EXOC4: variants seen among roughly 807,000 people sequenced by gnomAD.
EXOC4 encodes the protein exocyst complex component 4.
A neutral mutation model predicts 107.2 loss-of-function variants in EXOC4; 71 were observed. The ratio of observed to expected loss-of-function variants is 0.66; its 90% confidence interval spans 0.55 to 0.81. The LOEUF is 0.81. Ranked by LOEUF, EXOC4 falls within the 30% of genes least tolerant of loss-of-function variation. The pLI is 0.00. For missense variants in EXOC4, 1,108 were observed against 1,189.6 expected (o/e 0.93, Z 1.01); for synonymous variants, 456 against 441.2 (o/e 1.03, Z -0.42).
intron 2 of EXOC4, among the ~76,000 whole-genome samples, chr7:133,280,065 C>T (rs1250155622): frequency 1.3e-5 from 2 of 152,244 alleles, no homozygotes; most frequent in Non-Finnish European, 2.9e-5. Flanking sequence ...TCAAGGGATC[C>T]TCCTGCCTCA....
intron 5 of EXOC4, among the ~76,000 whole-genome samples, chr7:133,321,601 A>C (rs1795114291): frequency 6.6e-6 from 1 of 152,152 alleles, no homozygotes; most frequent in South Asian, 2.1e-4. Flanking sequence ...TATATGTGCC[A>C]CATTTTCTTT....
chr7:133,679,439 G>A (rs1794136594), intron 10 of EXOC4, among the ~76,000 whole-genome samples: 1 of 152,078 alleles, frequency 6.6e-6, no homozygotes, highest in African/African-American at 2.4e-5. Context: ...AGGCCTCTGA[G>A]AGTTCTCCTC....
intron 1 of EXOC4, among the ~76,000 whole-genome samples, chr7:133,265,000 G>A (rs1175815679): frequency 6.6e-6 from 1 of 151,998 alleles, no homozygotes; most frequent in Non-Finnish European, 1.5e-5. Flanking sequence ...GTGAAATTAG[G>A]GCTGAATAGA....
At chr7:133,523,924 A>G (rs1170361509) in intron 9 of EXOC4, among the ~76,000 whole-genome samples, 1 of 151,712 alleles carries the variant, frequency 6.6e-6, no homozygotes, top group African/African-American at 2.4e-5. Flanking sequence ...GTGTCTTTAT[A>G]GCAGCATGAT....
In EXOC4 at chr7:133,402,799, C is replaced by T. The variant is rs1299218337; in HGVS notation, c.1182+27797C>T. ...GATTGCAGGCATGAGCCACCATGCC[C>T]GGTGGAGAATTTGGATTTCTAAAAA... On this transcript the variant is annotated intron_variant, in intron 7 of 17. Coordinates refer to ENST00000253861, the MANE Select transcript of EXOC4 (RefSeq NM_021807.4). Among the ~76,000 whole-genome samples, 8 of 151,866 alleles carry T rather than the reference C, an allele frequency of 5.3e-5. No individual in the cohort carries two copies. The South Asian group carries it at 6.3e-4, about 12-fold the overall frequency.
chr7:133,713,703 A>G (rs933907901), intron 10 of EXOC4, among the ~76,000 whole-genome samples: 7 of 152,012 alleles, frequency 4.6e-5, no homozygotes, highest in Admixed American at 2.0e-4. Context: ...GTGATAGTGA[A>G]TGAGTTCTCA....
intron 10 of EXOC4, among the ~76,000 whole-genome samples, chr7:133,643,376 G>A (rs1187005445): frequency 6.6e-6 from 1 of 152,066 alleles, no homozygotes; most frequent in Non-Finnish European, 1.5e-5. Context: ...TGATTAGAAT[G>A]TGCCCACCCA....
chr7:133,449,414 A>T (rs1337612351), intron 7 of EXOC4, among the ~76,000 whole-genome samples: 1 of 152,210 alleles, frequency 6.6e-6, no homozygotes, highest in East Asian at 1.9e-4. Context: ...GCCCTGGGAA[A>T]CTAACACACC....
rs1443532633 is a variant in EXOC4 at position 133,475,260 on chromosome 7, A to C, written c.1183-68A>C. 3 of 1,344,840 alleles carry C rather than the reference A, an allele frequency of 2.2e-6. No homozygotes were observed. The African/African-American group carries it at 4.4e-5, about 20-fold the overall frequency. 83.3% of individuals were successfully genotyped at this position (1,344,840 alleles called of 1,614,324 possible). ...TAGAATTAGATTTGCATGGTTTTAA[A>C]ATAGTTTTTCTTAATTGCACATTAA... On this transcript the variant is annotated intron_variant, in intron 7 of 17. Coordinates refer to ENST00000253861, the MANE Select transcript of EXOC4 (RefSeq NM_021807.4).
intron 5 of EXOC4, among the ~76,000 whole-genome samples, chr7:133,336,686 TTTTA>T (rs1795520895): frequency 1.1e-4 from 14 of 131,498 alleles, no homozygotes; most frequent in Non-Finnish European, 1.3e-4. Flanking sequence ...TTCATTTTTA[TTTTA>T]TTTATTTTAT....
chr7:133,489,611 C>T lies in EXOC4; in HGVS notation c.1417+9473C>T, dbSNP rs1213208822. Among the ~76,000 whole-genome samples the T allele has an allele frequency of 3.3e-5, 5 of 152,182 alleles. No individual in the cohort carries two copies. The South Asian group carries it at 6.2e-4, about 19-fold the overall frequency. On this transcript the variant is annotated intron_variant, in intron 9 of 17. Transcript: ENST00000253861. ...CATCCTCCATCTGGGATGTCAGACA[C>T]CTAACATTAATTGGAGTCAGCAGCG... is the stretch of plus-strand genomic sequence containing the variant.
intron 13 of EXOC4, among the ~76,000 whole-genome samples, chr7:133,922,930 C>T (rs1432914856): frequency 6.7e-6 from 1 of 150,190 alleles, no homozygotes; most frequent in Non-Finnish European, 1.5e-5. Context: ...TTCATACATT[C>T]ATCATTCTGC....
chr7:134,042,887 A>C (rs924958369), intron 17 of EXOC4, among the ~76,000 whole-genome samples: 2 of 152,194 alleles, frequency 1.3e-5, no homozygotes, highest in African/African-American at 4.8e-5. Flanking sequence ...ACATGCAAAA[A>C]TTAGCTGGCC....
At chr7:133,540,240 T>C (rs376021233) in intron 9 of EXOC4, among the ~76,000 whole-genome samples, 1 of 152,256 alleles carries the variant, frequency 6.6e-6, no homozygotes, top group African/African-American at 2.4e-5. Flanking sequence ...TTTCTGTCAT[T>C]ATGTAATCTG....
chr7:134,033,785 G>C (rs1486226376), intron 17 of EXOC4, among the ~76,000 whole-genome samples: 1 of 152,118 alleles, frequency 6.6e-6, no homozygotes, highest in Non-Finnish European at 1.5e-5. Flanking sequence ...AAAAGCTCCA[G>C]AGAGAGGGGC....
At chr7:134,098,162 G>A in the EXOC4 span, among the ~76,000 whole-genome samples, 2 of 152,124 alleles carry the variant, frequency 1.3e-5, no homozygotes, top group East Asian at 1.9e-4. Flanking sequence ...GCTGGATGTC[G>A]GGCAGCTGAA....
intron 10 of EXOC4, among the ~76,000 whole-genome samples, chr7:133,700,835 G>A (rs181441888): frequency 1.2e-4 from 18 of 152,160 alleles, no homozygotes; most frequent in East Asian, 1.2e-3. Context: ...GGAAAAAGAG[G>A]CCTTCTCTGA....
rs1015005979 is a variant in EXOC4 at position 134,065,529 on chromosome 7, T to TC, written c.*1006dup. On this transcript the variant is annotated 3_prime_UTR_variant, in exon 18 of 18. Coordinates refer to ENST00000253861, the MANE Select transcript of EXOC4 (RefSeq NM_021807.4). ...TCCTGGCACACTGGACCTCACCATG[T>TC]CCCCCGGTCACCAGTCCTCTTGCTG... is the stretch of plus-strand genomic sequence containing the variant. The TC allele has an allele frequency of 6.6e-6, 1 of 152,208 alleles. No individual in the cohort carries two copies. Among genetic ancestry groups the TC allele is most frequent in the Non-Finnish European group, 1.5e-5 (1 of 68,144 alleles). The allele number at this position is 152,208 out of a possible 1,614,324, so 9.4% of individuals were successfully genotyped here. A position where few individuals can be genotyped will look rare whatever the true frequency, so the allele number is the denominator to read the frequency against.
intron 10 of EXOC4, among the ~76,000 whole-genome samples, chr7:133,735,775 C>T (rs922502566): frequency 1.3e-5 from 2 of 152,100 alleles, no homozygotes; most frequent in East Asian, 1.9e-4. Flanking sequence ...CCCAATCCAG[C>T]CCTCTATTAC....
Sources: allele counts gnomAD v4.1 joint callset (sites outside exome capture counted in the v4.1 genomes callset), GRCh38; gene constraint gnomAD v4.1.1; transcripts MANE v1.5; gene names NCBI Gene and HGNC (gene_info 2026-07-23, HGNC 2026-07-21).